Variants in PIEZO2 observed in about 807,000 individuals in gnomAD.
PIEZO2 encodes piezo type mechanosensitive ion channel component 2.
A neutral mutation model predicts 337.3 loss-of-function variants in PIEZO2; 172 were observed. The ratio of observed to expected loss-of-function variants is 0.51; its 90% CI spans 0.45 to 0.58. The LOEUF is 0.58. Among genes scored for constraint, PIEZO2 ranks in the 20% least tolerant of loss-of-function variants. The pLI, the probability that PIEZO2 is intolerant of heterozygous loss-of-function variation, is 0.00. For synonymous variants in PIEZO2, 1,251 were observed against 1,228.5 expected, an observed-to-expected ratio of 1.02 and a Z score of -0.38; for missense variants, 3,028 against 3,391.3, an observed-to-expected ratio of 0.89 and a Z score of 2.66.
intron 3 of PIEZO2, among the ~76,000 whole-genome samples, chr18:10,975,186 A>G (rs1209441327): frequency 1.3e-5 from 2 of 152,216 alleles, no homozygotes; most frequent in Non-Finnish European, 2.9e-5. Flanking sequence ...TTCTAACTCA[A>G]AAGTTTCTTT....
chr18:10,887,454 C>T (rs1224048300), intron 4 of PIEZO2, among the ~76,000 whole-genome samples: 2 of 152,056 alleles, frequency 1.3e-5, no homozygotes, highest in African/African-American at 2.4e-5. Flanking sequence ...AGCCCTATGA[C>T]CCAAACACCT....
intron 21 of PIEZO2, among the ~76,000 whole-genome samples, chr18:10,763,984 A>G (rs2038248660): frequency 6.6e-6 from 1 of 152,170 alleles, no homozygotes; most frequent in African/African-American, 2.4e-5. Context: ...CAGTGCCATT[A>G]CTGAGACAGC....
intron 7 of PIEZO2, among the ~76,000 whole-genome samples, chr18:10,809,264 T>TC (rs1555651174): frequency 1.0e-5 from 1 of 97,048 alleles, no homozygotes; most frequent in Non-Finnish European, 1.9e-5. Flanking sequence ...CTCTCTCTTT[T>TC]TTTTTTTTTT....
intron 7 of PIEZO2, among the ~76,000 whole-genome samples, chr18:10,823,498 G>A (rs2040580659): frequency 6.6e-6 from 1 of 152,104 alleles, no homozygotes; most frequent in Non-Finnish European, 1.5e-5. Context: ...TAGAACGTGT[G>A]AAAAATAAAA....
At chr18:11,075,546 T>C (rs923343119) in intron 1 of PIEZO2, among the ~76,000 whole-genome samples, 1 of 152,188 alleles carries the variant, frequency 6.6e-6, no homozygotes, top group African/African-American at 2.4e-5. Context: ...ATTCTCTTCC[T>C]CTCCCCCTCT....
chr18:10,777,353 T>C (rs2038826181), intron 18 of PIEZO2, among the ~76,000 whole-genome samples: 1 of 152,236 alleles, frequency 6.6e-6, no homozygotes, highest in South Asian at 2.1e-4. Flanking sequence ...TGTGTGTTTC[T>C]CCATTTGTGA....
Position 10,990,887 on chromosome 18 carries a change from T to C in PIEZO2, c.161-11227A>G, listed in dbSNP as rs1310960609. On this transcript the variant is annotated intron_variant, in intron 2 of 55. Coordinates refer to ENST00000674853, the MANE Select transcript of PIEZO2 (RefSeq NM_001378183.1). ...TTGGTGAATAATTCTTTTTATGCTTTTTTAGATAAAGTTGACAATATTTTG... is the reference window on the plus strand; with the variant it reads ...TTGGTGAATAATTCTTTTTATGCTTCTTTAGATAAAGTTGACAATATTTTG... 3.9e-5 allele frequency among the ~76,000 whole-genome samples: 6 copies of C among 152,012 alleles called. No homozygotes were observed. In the South Asian group the frequency reaches 1.2e-3, roughly 31 times the overall value.
At chr18:11,130,966 T>C (rs893969493) in intron 1 of PIEZO2, among the ~76,000 whole-genome samples, 3 of 152,176 alleles carry the variant, frequency 2.0e-5, no homozygotes, top group South Asian at 2.1e-4. Flanking sequence ...GCAGATCCAA[T>C]GGTGTTTGAG....
intron 2 of PIEZO2, among the ~76,000 whole-genome samples, chr18:11,043,241 A>ACT (rs1555698761): frequency 1.7e-3 from 87 of 52,606 alleles, no homozygotes; most frequent in African/African-American, 6.3e-3. Flanking sequence ...CTCCCTTTAA[A>ACT]CGCACACACA....
intron 7 of PIEZO2, among the ~76,000 whole-genome samples, chr18:10,808,344 A>G (rs1282045202): frequency 6.6e-6 from 1 of 152,158 alleles, no homozygotes; most frequent in Non-Finnish European, 1.5e-5. Context: ...CTCCCAAGTT[A>G]GTCTCCAAAA....
rs141192771 is a variant in PIEZO2, at chr18:10,904,309, A to C, written c.329+6877T>G. Among the ~76,000 whole-genome samples the C allele has an allele frequency of 4.1e-3, 627 of 152,354 alleles. 9 individuals are homozygous for C. Among genetic ancestry groups the C allele is most frequent in the Admixed American group, 0.014 (213 of 15,302 alleles). ...TGAATGAATAGAAGGTAGAGCCCAT[A>C]AAACCGAGTTACCGCTTGCTTTTGC... On this transcript the variant is annotated intron_variant, in intron 4 of 55. Transcript: ENST00000674853.
chr18:10,801,239 A>G lies in PIEZO2; in HGVS notation c.1239+151T>C, dbSNP rs2039802496. 8.5e-6 allele frequency: 5 copies of G among 585,510 alleles called. No homozygotes were observed. The South Asian group carries it at 1.4e-4, about 17-fold the overall frequency. The allele number at this position is 585,510 out of a possible 1,614,324, so 36.3% of individuals were successfully genotyped here. A position where few individuals can be genotyped will look rare whatever the true frequency, so the allele number is the denominator to read the frequency against. ...ATGATTATACTCAATTTCATTTAAC[A>G]GCAATCTACCAGATATAATTTATGC... is the stretch of plus-strand genomic sequence containing the variant. On this transcript the variant is annotated intron_variant, in intron 10 of 55. Coordinates refer to ENST00000674853, the MANE Select transcript of PIEZO2 (RefSeq NM_001378183.1).
At chr18:10,978,056 C>T (rs2034515134) in intron 3 of PIEZO2, among the ~76,000 whole-genome samples, 1 of 152,154 alleles carries the variant, frequency 6.6e-6, no homozygotes, top group Non-Finnish European at 1.5e-5. Context: ...GGTGTGGTGG[C>T]TCACGCCTGT....
chr18:10,825,399 A>T (rs1440322412), intron 7 of PIEZO2, among the ~76,000 whole-genome samples: 1 of 152,086 alleles, frequency 6.6e-6, no homozygotes, highest in Non-Finnish European at 1.5e-5. Context: ...TTGCAGGGGT[A>T]AAGTGCCATT....
chr18:10,995,159 A>T (rs1032001430), intron 2 of PIEZO2, among the ~76,000 whole-genome samples: 2 of 149,820 alleles, frequency 1.3e-5, no homozygotes, highest in Non-Finnish European at 3.0e-5. Flanking sequence ...TTTTTTGACT[A>T]TGGCCATTCT....
chr18:10,774,067 A>T (rs2038701665), intron 18 of PIEZO2, 29 bp from the exon 19 acceptor site: 1 of 702,666 alleles, frequency 1.4e-6, no homozygotes, highest in Non-Finnish European at 2.6e-6. Flanking sequence ...ATAGAAAGGA[A>T]AAAAAGGAGA....
chr18:10,889,446 T>C (rs771275417), intron 4 of PIEZO2, among the ~76,000 whole-genome samples: 5 of 152,244 alleles, frequency 3.3e-5, no homozygotes, highest in Non-Finnish European at 7.3e-5. Context: ...GACTCTAATG[T>C]CTTTATTTGC....
intron 4 of PIEZO2, among the ~76,000 whole-genome samples, chr18:10,890,077 A>C (rs559353154): frequency 8.0e-4 from 122 of 152,288 alleles, no homozygotes; most frequent in African/African-American, 2.8e-3. Flanking sequence ...ACTCCAACTG[A>C]CCAGCTCCTA....
In PIEZO2 at chr18:10,800,356, C is replaced by A. The variant is rs1385987056; in HGVS notation, c.1359G>T (p.Glu453Asp). 2.6e-6 allele frequency: 4 copies of A among 1,535,276 alleles called. No individual in the cohort carries two copies. The highest frequency in any genetic ancestry group is 3.5e-6 in the Non-Finnish European group (4 of 1,146,060). Residue 453 changes from glutamate (E) to aspartate (D), a missense_variant, in exon 11 of 56, where the codon GAG becomes GAT. Physicochemically the swap from Glu to Asp is conservative, Grantham distance 45. Transcript: ENST00000674853. ...DLYSTPQYRWEPSDESSEKRE... is the reference protein window; with the variant it reads ...DLYSTPQYRWDPSDESSEKRE... ...TCCTACCTGAGGATTCATCAGAGGG[C>A]TCCCACCGGTACTGAGGGGTGGAGT...
Sources: allele counts gnomAD v4.1 joint callset (sites outside exome capture counted in the v4.1 genomes callset), GRCh38; gene constraint gnomAD v4.1.1; transcripts MANE v1.5; gene names NCBI Gene and HGNC (gene_info 2026-07-23, HGNC 2026-07-21).